MARVELD3: variants seen among roughly 807,000 people sequenced by gnomAD.
The protein encoded by MARVELD3 is MARVEL domain containing 3.
In MARVELD3, 28 loss-of-function variants were observed where a neutral mutation model predicts 33.5. That is an observed-to-expected ratio of 0.84 (90% CI 0.62 to 1.15). The LOEUF (loss-of-function observed/expected upper bound fraction) is 1.15, where lower values mean the gene tolerates loss of function less well. Among genes scored for constraint, MARVELD3 ranks in the 50% most tolerant of loss-of-function variants. The pLI is 0.00. For synonymous variants in MARVELD3, 241 were observed against 230.4 expected (o/e 1.05, Z -0.42); for missense variants, 582 against 547.6 (o/e 1.06, Z -0.63).
rs1165637542 is a variant in MARVELD3 at position 71,626,428 on chromosome 16, G to A, written c.199G>A (p.Gly67Arg). The change falls in exon 1 of 3, where the codon GGG becomes AGG. Residue 67 changes from glycine (G) to arginine (R), a missense_variant. Gly to Arg is a moderately radical substitution (Grantham distance 125). Transcript: ENST00000268485. This position sits in a 1 kb window ranked among gnomAD's most constrained non-coding sequence, Gnocchi z 5.3. The stretch of plus-strand genomic sequence containing the variant: ...CCCGGAGAGAGACCAGGAGAGGGAC[G>A]GGAACCGCGACCGGAACCGGGACCG... ...RDPERDQERD[G>R]NRDRNRDRER... The A allele has an allele frequency of 6.5e-7, 1 of 1,548,232 alleles. No homozygotes were observed. The highest frequency in any genetic ancestry group is 2.0e-5 in the Admixed American group (1 of 50,958).
chr16:71,640,298 C>A (rs2044607605), downstream of MARVELD3: 12 of 1,405,616 alleles, frequency 8.5e-6, no homozygotes, highest in Non-Finnish European at 1.1e-5. Context: ...TTGAATCAAC[C>A]ACGTCCTTAA....
At position 71,626,915 on chromosome 16, in the gene MARVELD3, C is replaced by T. The variant is rs1567603137; in HGVS notation, c.467+219C>T. On this transcript the variant is annotated intron_variant, in intron 1 of 2. Transcript: ENST00000268485. This position sits in a 1 kb window ranked among gnomAD's most constrained non-coding sequence, Gnocchi z 5.3. ...TGAACCCAACTAACAAAGCAAAAAC[C>T]ACCCCTGTGAGCAGTGGCTGGGCTG... 1 of 472,220 alleles carries T rather than the reference C, an allele frequency of 2.1e-6. No homozygotes were observed. The highest frequency in any genetic ancestry group is 3.6e-6 in the Non-Finnish European group (1 of 275,174). 29.3% of individuals were successfully genotyped at this position (472,220 alleles called of 1,614,324 possible). A position where few individuals can be genotyped will look rare whatever the true frequency, so the allele number is the denominator to read the frequency against.
rs1310244697 is a variant in MARVELD3 at position 71,634,508 on chromosome 16, T to G, written c.911T>G (p.Val304Gly). ...CCGTGGCATTGTCCACTGTTGCTGG[T>G]GACCGAAGGCTTGTTGGACATGCTC... is the stretch of plus-strand genomic sequence containing the variant. ...RVPWHCPLLL[V>G]TEGLLDMLIA... The change falls in exon 3 of 3, where the codon GTG becomes GGG. Residue 304 changes from valine (V) to glycine (G), a missense_variant. Transcript: ENST00000268485. 2 of 1,614,226 alleles carry G rather than the reference T, an allele frequency of 1.2e-6. No individual in the cohort carries two copies. The highest frequency in any genetic ancestry group is 4.5e-5 in the East Asian group (2 of 44,890).
At chr16:71,641,059 T>C (rs1481541731), downstream of MARVELD3, 1 of 1,570,752 alleles carries the variant, frequency 6.4e-7, no homozygotes, top group South Asian at 1.2e-5. Context: ...GAACGCACAT[T>C]GTTTCTCTCA....
intron 1 of MARVELD3, 136 bp from the exon 2 acceptor site, chr16:71,629,230 TG>T: frequency 9.7e-7 from 1 of 1,027,792 alleles, no homozygotes; most frequent in Non-Finnish European, 1.3e-6. Context: ...GAGAATTCTC[TG>T]GAGTTTAAAA....
Position 71,626,625 on chromosome 16 carries a change from C to T in MARVELD3, c.396C>T (p.Pro132=). ...GGGACGCAGCCGCGCCTCCTGGGCC[C>T]GCGCCCTGGGAAGCCCCGGAGCCGC... The part of the protein sequence containing the change: ...LTWDAAAPPG[P]APWEAPEPPQ... Residue 132 remains proline (P), a synonymous_variant, in exon 1 of 3, where the codon CCC becomes CCT. Coordinates refer to ENST00000268485, the MANE Select transcript of MARVELD3 (RefSeq NM_052858.6). This position sits in a 1 kb window ranked among gnomAD's most constrained non-coding sequence, Gnocchi z 5.3. The T allele has an allele frequency of 6.5e-7, 1 of 1,538,496 alleles. No individual in the cohort carries two copies. Among genetic ancestry groups the T allele is most frequent in the South Asian group, 1.2e-5 (1 of 83,792 alleles).
chr16:71,636,214 TG>T lies in MARVELD3; in HGVS notation c.*1412del, dbSNP rs1363065662. The stretch of plus-strand genomic sequence containing the variant: ...AATCCAAAGAATTTTAATTTGGAGT[TG>T]ATGTCCTCTTTACAATACATTTATA... On this transcript the variant is annotated 3_prime_UTR_variant, in exon 3 of 3. Coordinates refer to ENST00000268485, the MANE Select transcript of MARVELD3 (RefSeq NM_052858.6). 1.1e-6 allele frequency: 1 copy of T among 891,452 alleles called. No individual in the cohort carries two copies. The highest frequency in any genetic ancestry group is 1.8e-5 in the African/African-American group (1 of 55,394). 55.2% of individuals were successfully genotyped at this position (891,452 alleles called of 1,614,324 possible). A position where few individuals can be genotyped will look rare whatever the true frequency, so the allele number is the denominator to read the frequency against.
downstream of MARVELD3, among the ~76,000 whole-genome samples, chr16:71,639,955 A>C (rs1168606845): frequency 6.6e-6 from 1 of 152,208 alleles, no homozygotes; most frequent in African/African-American, 2.4e-5. Context: ...ACAAAACAAA[A>C]ACAAAAAGCA....
At chr16:71,629,661 A>AAG in intron 2 of MARVELD3, 167 bp downstream of exon 2, 1 of 668,196 alleles carries the variant, frequency 1.5e-6, no homozygotes, top group Non-Finnish European at 2.3e-6. Context: ...AAAAAAAAAA[A>AAG]AAGGAGGAAC....
At position 71,635,751 on chromosome 16, in the gene MARVELD3, C is replaced by G. The variant is rs2053871294; in HGVS notation, c.*948C>G. On this transcript the variant is annotated 3_prime_UTR_variant, in exon 3 of 3. Transcript: ENST00000268485. ...CTGAACTCTCCAGTCCTTCCACTTC[C>G]TTAATTCTGCAAATGGAGGGGGTGG... is the stretch of plus-strand genomic sequence containing the variant. 1.0e-6 allele frequency: 1 copy of G among 985,214 alleles called. No homozygotes were observed. The allele number at this position is 985,214 out of a possible 1,614,324, so 61.0% of individuals were successfully genotyped here.
intron 2 of MARVELD3, among the ~76,000 whole-genome samples, chr16:71,631,649 T>C (rs865835946): frequency 6.6e-6 from 1 of 152,082 alleles, no homozygotes; most frequent in Non-Finnish European, 1.5e-5. Context: ...GGTTTTACCA[T>C]GTTGGCCAGG....
At chr16:71,638,214 TCA>T (rs1332088193), downstream of MARVELD3, 1 of 152,238 alleles carries the variant, frequency 6.6e-6, no homozygotes, top group Non-Finnish European at 1.5e-5. Context: ...AAGAAGATCT[TCA>T]GTCTGTTGGC....
chr16:71,629,612 A>T, intron 2 of MARVELD3, 118 bp downstream of exon 2: 1 of 729,218 alleles, frequency 1.4e-6, no homozygotes, highest in Non-Finnish European at 2.0e-6. Context: ...TAGCATTTTC[A>T]TTTCTGTACT....
chr16:71,631,317 C>T (rs926621143), intron 2 of MARVELD3, among the ~76,000 whole-genome samples: 2 of 152,038 alleles, frequency 1.3e-5, no homozygotes, highest in Admixed American at 6.6e-5. Context: ...TATGAAGATA[C>T]AAATAAAGTT....
chr16:71,629,317 G>A (rs771570890), intron 1 of MARVELD3, 50 bp from the exon 2 acceptor site: 19 of 1,500,516 alleles, frequency 1.3e-5, no homozygotes, highest in African/African-American at 4.4e-5. Flanking sequence ...AATCCTGAAC[G>A]CTATTGAATG....
chr16:71,628,018 G>A (rs1419351869), intron 1 of MARVELD3, among the ~76,000 whole-genome samples: 2 of 152,212 alleles, frequency 1.3e-5, no homozygotes, highest in African/African-American at 4.8e-5. Context: ...GGACTTGGAG[G>A]CTGAGTCCAG....
downstream of MARVELD3, chr16:71,640,475 T>C: frequency 1.2e-6 from 2 of 1,614,150 alleles, no homozygotes; most frequent in Non-Finnish European, 1.7e-6. Flanking sequence ...CCGGATTCAG[T>C]GCCAGCTTTT....
At chr16:71,636,633 C>T (rs1168272148), downstream of MARVELD3, among the ~76,000 whole-genome samples, 1 of 152,130 alleles carries the variant, frequency 6.6e-6, no homozygotes, top group African/African-American at 2.4e-5. Flanking sequence ...CTCTGTCACC[C>T]AGGCTGGAGT....
downstream of MARVELD3, chr16:71,641,090 C>T (rs1282158122): frequency 6.5e-7 from 1 of 1,529,782 alleles, no homozygotes; most frequent in Non-Finnish European, 8.8e-7. Context: ...TCTTTTAAAA[C>T]TCCGCATTAG....
Sources: allele counts gnomAD v4.1 joint callset (sites outside exome capture counted in the v4.1 genomes callset), GRCh38; gene constraint gnomAD v4.1.1; non-coding constraint Gnocchi (gnomAD v3.1); transcripts MANE v1.5; gene names NCBI Gene and HGNC (gene_info 2026-07-23, HGNC 2026-07-21).